Variants in TSHZ2 observed in about 807,000 individuals in gnomAD.
TSHZ2 encodes teashirt zinc finger homeobox 2, also known as teashirt homolog 2.
Under a neutral mutation model 74.4 loss-of-function variants are expected in TSHZ2, and 21 were observed. That is an observed-to-expected ratio of 0.28 (90% CI 0.20 to 0.41). The LOEUF (loss-of-function observed/expected upper bound fraction) is 0.41, where lower values mean the gene tolerates loss of function less well. Among genes scored for constraint, TSHZ2 ranks in the 10% least tolerant of loss-of-function variants. The probability of loss-of-function intolerance (pLI) is 1.00; values close to 1 mark genes in which losing one functional copy is unlikely to be tolerated. For missense variants in TSHZ2, 1,244 were observed against 1,293.5 expected, an observed-to-expected ratio of 0.96 and a Z score of 0.59; for synonymous variants, 540 against 515.3, an observed-to-expected ratio of 1.05 and a Z score of -0.65.
intron 2 of TSHZ2, among the ~76,000 whole-genome samples, chr20:53,265,296 GA>G (rs1029003568): frequency 3.3e-5 from 5 of 152,168 alleles, no homozygotes; most frequent in African/African-American, 1.2e-4. Flanking sequence ...GGGCTTGGAA[GA>G]TATTAAATTT....
intron 2 of TSHZ2, among the ~76,000 whole-genome samples, chr20:53,333,364 A>G (rs894711268): frequency 1.3e-5 from 2 of 152,218 alleles, no homozygotes; most frequent in Admixed American, 6.5e-5. Context: ...CAATCTATTA[A>G]GCAGATTTTG....
intron 1 of TSHZ2, among the ~76,000 whole-genome samples, chr20:53,190,608 C>T (rs754456928): frequency 6.6e-5 from 10 of 152,156 alleles, no homozygotes; most frequent in Non-Finnish European, 1.0e-4. Flanking sequence ...CATGAGGCTT[C>T]GCAGCTTGTT....
intron 1 of TSHZ2, among the ~76,000 whole-genome samples, chr20:52,986,625 A>G (rs1000065683): frequency 3.3e-5 from 5 of 151,544 alleles, no homozygotes; most frequent in Non-Finnish European, 7.4e-5. Flanking sequence ...GCTACTCCGG[A>G]AGCTGAGCCA....
chr20:53,206,405 G>A (rs905510151), intron 1 of TSHZ2: 2 of 152,100 alleles, frequency 1.3e-5, no homozygotes, highest in African/African-American at 4.8e-5. Flanking sequence ...AATGATTTTT[G>A]TTCCTCAGCC....
Position 53,285,729 on chromosome 20 carries a change from AAAG to A in TSHZ2, c.*8+29161_*8+29163del, listed in dbSNP as rs1179481856. On this transcript the variant is annotated intron_variant, in intron 2 of 2. Coordinates refer to ENST00000371497, the MANE Select transcript of TSHZ2 (RefSeq NM_173485.6). ...CCGTCTCCATCTCAAGAGAAAAAAA[AAAG>A]AAAGAAAGAAAGAAAAAGAAATGGT... Among the ~76,000 whole-genome samples, 6 of 140,012 alleles carry A rather than the reference AAAG, an allele frequency of 4.3e-5. No homozygotes were observed. The South Asian group carries it at 6.3e-4, about 15-fold the overall frequency. 91.9% of individuals were successfully genotyped at this position (140,012 alleles called of 152,430 possible). A position where few individuals can be genotyped will look rare whatever the true frequency, so the allele number is the denominator to read the frequency against.
intron 1 of TSHZ2, among the ~76,000 whole-genome samples, chr20:52,992,298 C>T (rs1255462278): frequency 6.6e-6 from 1 of 152,256 alleles, no homozygotes; most frequent in East Asian, 1.9e-4. Context: ...AGGTTCCAGG[C>T]CTTTGGAATA....
chr20:53,180,379 C>G (rs1225684688), intron 1 of TSHZ2, among the ~76,000 whole-genome samples: 1 of 152,152 alleles, frequency 6.6e-6, no homozygotes, highest in African/African-American at 2.4e-5. Context: ...AAGCAGAATA[C>G]TCAAAGGGAA....
chr20:53,405,248 C>CAAA (rs796097312), intron 2 of TSHZ2, among the ~76,000 whole-genome samples: 1 of 143,332 alleles, frequency 7.0e-6, no homozygotes, highest in African/African-American at 2.8e-5. Context: ...GACTCTGTCT[C>CAAA]AAAAAAAAAA....
At chr20:53,000,872 G>GC (rs1982382672) in intron 1 of TSHZ2, among the ~76,000 whole-genome samples, 1 of 152,140 alleles carries the variant, frequency 6.6e-6, no homozygotes. Context: ...ACTGACACAA[G>GC]CTGGGGGATG....
At chr20:53,200,175 G>A (rs930768751) in intron 1 of TSHZ2, among the ~76,000 whole-genome samples, 6 of 152,170 alleles carry the variant, frequency 3.9e-5, no homozygotes, top group African/African-American at 1.2e-4. Flanking sequence ...TCTTGTGGGC[G>A]GGTGGAGGGG....
intron 1 of TSHZ2, among the ~76,000 whole-genome samples, chr20:53,038,183 A>C (rs1983891293): frequency 8.9e-6 from 1 of 111,986 alleles, no homozygotes; most frequent in Non-Finnish European, 1.7e-5. Flanking sequence ...CAAGAGCGGG[A>C]TTCCGTCTCA....
intron 2 of TSHZ2, among the ~76,000 whole-genome samples, chr20:53,364,822 C>G (rs1022190331): frequency 6.6e-6 from 1 of 152,226 alleles, no homozygotes; most frequent in South Asian, 2.1e-4. Flanking sequence ...TTTTATGACC[C>G]TTTTTCATCC....
chr20:53,411,812 G>A (rs1298068068), intron 2 of TSHZ2, among the ~76,000 whole-genome samples: 1 of 152,030 alleles, frequency 6.6e-6, no homozygotes, highest in Non-Finnish European at 1.5e-5. Flanking sequence ...CAGGATGACA[G>A]AGCAAGACCC....
chr20:53,155,319 G>A (rs1418176511), intron 1 of TSHZ2, among the ~76,000 whole-genome samples: 2 of 152,018 alleles, frequency 1.3e-5, no homozygotes, highest in Admixed American at 6.6e-5. Context: ...AAGAAACCAA[G>A]AAGGGATAGT....
intron 2 of TSHZ2, among the ~76,000 whole-genome samples, chr20:53,447,440 C>G (rs1477847385): frequency 6.6e-6 from 1 of 152,178 alleles, no homozygotes; most frequent in Non-Finnish European, 1.5e-5. Flanking sequence ...TATGCATACC[C>G]TTAACCCAAC....
At chr20:53,135,071 ATGTT>A (rs1402500112) in intron 1 of TSHZ2, among the ~76,000 whole-genome samples, 1 of 151,260 alleles carries the variant, frequency 6.6e-6, no homozygotes, top group Non-Finnish European at 1.5e-5. Context: ...TTTTTAATCT[ATGTT>A]TGTGAAAATG....
intron 2 of TSHZ2, chr20:53,399,299 C>G (rs747315428): frequency 2.0e-5 from 3 of 152,062 alleles, no homozygotes; most frequent in Non-Finnish European, 4.4e-5. Context: ...TTTGGTGTAT[C>G]CTGGGAGAAA....
Position 53,293,294 on chromosome 20 carries a change from C to G in TSHZ2, c.*8+36723C>G, listed in dbSNP as rs374837932. 2.2e-4 allele frequency among the ~76,000 whole-genome samples: 33 copies of G among 152,226 alleles called. 1 individual carries two copies. The East Asian group carries it at 5.8e-3, about 27-fold the overall frequency. On this transcript the variant is annotated intron_variant, in intron 2 of 2. Transcript: ENST00000371497. Reference sequence around the variant, plus strand: ...CCTGGCCAACATGGCAAAACCCTGTCCCTACTAAAAATACAAAAATTAGCC... The same window carrying G: ...CCTGGCCAACATGGCAAAACCCTGTGCCTACTAAAAATACAAAAATTAGCC...
intron 1 of TSHZ2, among the ~76,000 whole-genome samples, chr20:53,162,510 A>T (rs1200392762): frequency 6.8e-6 from 1 of 147,964 alleles, no homozygotes; most frequent in Non-Finnish European, 1.5e-5. Context: ...CCACTAGGGG[A>T]TCGGTCGATG....
Sources: gnomAD v4.1 joint callset for allele counts (sites outside exome capture counted in the v4.1 genomes callset) on GRCh38, gnomAD v4.1.1 for gene constraint, MANE v1.5 for transcripts, NCBI Gene and HGNC (gene_info 2026-07-23, HGNC 2026-07-21) for gene names.